The following RORB variants were observed in gnomAD, a reference collection of about 807,000 sequenced individuals.
The protein encoded by RORB is RAR related orphan receptor B, also known as nuclear receptor ROR-beta.
A neutral mutation model predicts 59.1 loss-of-function variants in RORB; 6 were observed. The observed-to-expected ratio is 0.10, with a 90% CI of 0.06 to 0.20. RORB has a LOEUF of 0.20. Among genes scored for constraint, RORB ranks in the 10% least tolerant of loss-of-function variants. RORB has a pLI of 1.00. For synonymous variants in RORB, 215 were observed against 204.5 expected, an observed-to-expected ratio of 1.05 and a Z score of -0.44; for missense variants, 320 against 560.5, an observed-to-expected ratio of 0.57 and a Z score of 4.33.
chr9:74,568,564 G>A (rs916220352), intron 1 of RORB, among the ~76,000 whole-genome samples: 2 of 151,972 alleles, frequency 1.3e-5, no homozygotes. Context: ...GCCAGGTGTG[G>A]TGGTGGGCAC....
chr9:74,628,882 G>T (rs1465758516), intron 1 of RORB, among the ~76,000 whole-genome samples: 1 of 152,116 alleles, frequency 6.6e-6, no homozygotes, highest in Non-Finnish European at 1.5e-5. Context: ...TCCATAACCT[G>T]TGTGCTGATT....
At chr9:74,588,528 C>T (rs748809323) in intron 1 of RORB, among the ~76,000 whole-genome samples, 1 of 152,138 alleles carries the variant, frequency 6.6e-6, no homozygotes, top group Non-Finnish European at 1.5e-5. Flanking sequence ...TACCTCTCAT[C>T]CTAATAAATG....
At chr9:74,606,404 G>A (rs1417577234) in intron 1 of RORB, among the ~76,000 whole-genome samples, 1 of 152,184 alleles carries the variant, frequency 6.6e-6, no homozygotes, top group Non-Finnish European at 1.5e-5. Flanking sequence ...AATTGTTCAT[G>A]TGGTTTTATA....
intron 4 of RORB, among the ~76,000 whole-genome samples, chr9:74,659,645 C>T (rs1220488789): frequency 6.6e-6 from 1 of 152,048 alleles, no homozygotes; most frequent in Non-Finnish European, 1.5e-5. Context: ...CGTGTGCCAC[C>T]ACACCTGGCT....
At chr9:74,600,449 G>T (rs1399461293) in intron 1 of RORB, among the ~76,000 whole-genome samples, 1 of 152,204 alleles carries the variant, frequency 6.6e-6, no homozygotes, top group African/African-American at 2.4e-5. Context: ...CCATCTTGCT[G>T]AAAGTTAATG....
chr9:74,570,507 C>T (rs552513044), intron 1 of RORB, among the ~76,000 whole-genome samples: 6 of 152,160 alleles, frequency 3.9e-5, no homozygotes, highest in South Asian at 2.1e-4. Flanking sequence ...TAGAAAAGAT[C>T]GGCTTTACCT....
chr9:74,507,155 A>G (rs930846109), intron 1 of RORB, among the ~76,000 whole-genome samples: 2 of 152,126 alleles, frequency 1.3e-5, no homozygotes, highest in Non-Finnish European at 2.9e-5. Flanking sequence ...TGCCTGGGCC[A>G]GTGTACTATT....
rs2118434107 is a variant in RORB, at chr9:74,634,897, G to T, written c.235+125G>T. 26 of 805,446 alleles carry T rather than the reference G, an allele frequency of 3.2e-5. No homozygotes were observed. The South Asian group carries it at 5.1e-4, about 16-fold the overall frequency. The allele number at this position is 805,446 out of a possible 1,614,324, so 49.9% of individuals were successfully genotyped here. On this transcript the variant is annotated intron_variant, in intron 3 of 9. Transcript: ENST00000376896. ...GGGATAAGAAGAAAAGAAAATCACT[G>T]TGCTGCTAGTGCATTACAAGGAAAA...
chr9:74,546,188 TTAGA>T (rs1478768680), intron 1 of RORB, among the ~76,000 whole-genome samples: 1 of 152,112 alleles, frequency 6.6e-6, no homozygotes, highest in Non-Finnish European at 1.5e-5. Flanking sequence ...TGATTTGATT[TTAGA>T]TAGAGAAGCT....
chr9:74,686,037 G>T lies in RORB; in HGVS notation c.*419G>T, dbSNP rs1352580043. On this transcript the variant is annotated 3_prime_UTR_variant, in exon 10 of 10. Transcript: ENST00000376896. ...TTACCTATTTCTATGTTTTTAGGTAGTTGATGCATGTGTAAATTTGTAGCT... is the reference window on the plus strand; with the variant it reads ...TTACCTATTTCTATGTTTTTAGGTATTTGATGCATGTGTAAATTTGTAGCT... 6.5e-6 allele frequency: 1 copy of T among 153,484 alleles called. No homozygotes were observed. The highest frequency in any genetic ancestry group is 1.5e-5 in the Non-Finnish European group (1 of 68,670). The allele number at this position is 153,484 out of a possible 1,614,324, so 9.5% of individuals were successfully genotyped here.
chr9:74,552,286 G>A (rs1467303025), intron 1 of RORB, among the ~76,000 whole-genome samples: 2 of 152,040 alleles, frequency 1.3e-5, no homozygotes, highest in African/African-American at 4.8e-5. Flanking sequence ...ATGTTTTGTG[G>A]GGAGGATTTT....
chr9:74,597,725 G>C (rs368424465), intron 1 of RORB, among the ~76,000 whole-genome samples: 7 of 152,270 alleles, frequency 4.6e-5, no homozygotes, highest in South Asian at 4.2e-4. Flanking sequence ...TTGGGAGACC[G>C]AGGCGGGCAG....
At chr9:74,607,182 A>T (rs968520032) in intron 1 of RORB, among the ~76,000 whole-genome samples, 22 of 152,344 alleles carry the variant, frequency 1.4e-4, no homozygotes, top group Admixed American at 1.4e-3. Context: ...AGTCTTCATC[A>T]CATATGGGCT....
At chr9:74,678,893 A>T (rs182896962) in intron 9 of RORB, among the ~76,000 whole-genome samples, 149 of 152,044 alleles carry the variant, frequency 9.8e-4, no homozygotes, top group Non-Finnish European at 1.9e-3. Context: ...TTGTCCCGGC[A>T]TGGTGGCAAG....
At chr9:74,632,968 G>A (rs1823643771) in intron 2 of RORB, among the ~76,000 whole-genome samples, 1 of 152,114 alleles carries the variant, frequency 6.6e-6, no homozygotes, top group Non-Finnish European at 1.5e-5. Context: ...GAATGCACTT[G>A]GATCTATAGG....
intron 1 of RORB, among the ~76,000 whole-genome samples, chr9:74,627,220 C>A (rs1823535378): frequency 6.6e-6 from 1 of 150,790 alleles, no homozygotes; most frequent in Non-Finnish European, 1.5e-5. Flanking sequence ...TATTTCCTTA[C>A]ATGAGAGAAA....
At chr9:74,549,606 AAGAAAGGAAGGAAGGAAGGAAGAAAG>A (rs1563934618) in intron 1 of RORB, among the ~76,000 whole-genome samples, 8 of 50,564 alleles carry the variant, frequency 1.6e-4, no homozygotes, top group African/African-American at 7.2e-4. Context: ...GGAAGGAAGG[AAGAAAGGAAGGAAGGAAGGAAGAAAG>A]GAAAGAAAGA....
intron 9 of RORB, among the ~76,000 whole-genome samples, chr9:74,675,469 C>A (rs1307793998): frequency 6.6e-6 from 1 of 152,076 alleles, no homozygotes; most frequent in Non-Finnish European, 1.5e-5. Context: ...TTAGTATTAT[C>A]TTGTTTGACT....
intron 1 of RORB, 164 bp downstream of exon 1, chr9:74,498,147 A>G: frequency 1.3e-6 from 1 of 790,384 alleles, no homozygotes. Flanking sequence ...CTGGGCGTAG[A>G]AAGTTGCGGG....
Sources: allele counts gnomAD v4.1 joint callset (sites outside exome capture counted in the v4.1 genomes callset), GRCh38; gene constraint gnomAD v4.1.1; transcripts MANE v1.5; gene names NCBI Gene and HGNC (gene_info 2026-07-23, HGNC 2026-07-21).